The following DIABLO variants were observed in gnomAD, a reference collection of about 807,000 sequenced individuals.
DIABLO encodes diablo homolog, mitochondrial.
DIABLO carries 32 observed loss-of-function variants against 31.7 expected under a neutral mutation model. The ratio of observed to expected loss-of-function variants is 1.01; its 90% CI spans 0.76 to 1.35. The LOEUF (loss-of-function observed/expected upper bound fraction) is 1.35, where lower values mean the gene tolerates loss of function less well. DIABLO is among the 40% of genes most tolerant of loss of function. The probability of loss-of-function intolerance (pLI) is 0.00; values close to 1 mark genes in which losing one functional copy is unlikely to be tolerated. For synonymous variants in DIABLO, 132 were observed against 103.2 expected (o/e 1.28, Z -1.69); for missense variants, 316 against 286.4 (o/e 1.10, Z -0.75).
At chr12:122,225,333 G>A (rs1954433054) in intron 1 of DIABLO, 1 of 895,402 alleles carries the variant, frequency 1.1e-6, no homozygotes, top group Non-Finnish European at 1.3e-6. Flanking sequence ...GTTGCAGTGA[G>A]CTGAGATCTC....
intron 5 of DIABLO, among the ~76,000 whole-genome samples, chr12:122,214,935 C>T (rs1208847535): frequency 6.6e-6 from 1 of 152,108 alleles, no homozygotes; most frequent in South Asian, 2.1e-4. Flanking sequence ...AAGTGACCCA[C>T]CTCAAGTGAT....
chr12:122,225,906 C>T (rs563479646), intron 1 of DIABLO, 59 bp downstream of exon 1: 297 of 1,549,932 alleles, frequency 1.9e-4, no homozygotes, highest in Admixed American at 2.5e-4. Flanking sequence ...CGGGCCACAG[C>T]GCTGTCCGCG....
At chr12:122,216,709 C>A in intron 4 of DIABLO, 50 bp downstream of exon 4, 2 of 1,568,234 alleles carry the variant, frequency 1.3e-6, no homozygotes, top group South Asian at 1.1e-5. Context: ...ATTTAGATAC[C>A]ACATGAGGTA....
intron 2 of DIABLO, among the ~76,000 whole-genome samples, chr12:122,224,123 A>G (rs1405097769): frequency 2.6e-5 from 4 of 152,088 alleles, no homozygotes; most frequent in African/African-American, 7.2e-5. Context: ...TCACCAGCTG[A>G]TATTTTATAT....
At chr12:122,225,248 C>G (rs1047107537) in intron 1 of DIABLO, 3 of 253,974 alleles carry the variant, frequency 1.2e-5, no homozygotes, top group African/African-American at 5.0e-5. Flanking sequence ...ATTAGCCGGG[C>G]GTGGTGGCGG....
rs1203041556 is a variant in DIABLO, at chr12:122,216,561, G to A, written c.450C>T (p.Tyr150=). 6.2e-7 allele frequency: 1 copy of A among 1,614,164 alleles called. No individual in the cohort carries two copies. Among genetic ancestry groups the A allele is most frequent in the Non-Finnish European group, 8.5e-7 (1 of 1,180,020 alleles). Residue 150 remains tyrosine, a synonymous_variant, in exon 5 of 6, where the codon TAC becomes TAT. Transcript: ENST00000464942. ...RAEMTSKHQE[Y]LKLETTWMTA... Reference sequence around the variant, plus strand: ...TCATCCAAGTGGTTTCCAGCTTCAAGTACTCTTGGTGTTTTGAAGTCATCT... The same window carrying A: ...TCATCCAAGTGGTTTCCAGCTTCAAATACTCTTGGTGTTTTGAAGTCATCT...
At chr12:122,223,686 T>C (rs888698528) in intron 2 of DIABLO, among the ~76,000 whole-genome samples, 4 of 152,334 alleles carry the variant, frequency 2.6e-5, no homozygotes, top group Middle Eastern at 6.8e-3. Context: ...CCGCACCAGA[T>C]AGTATAATGG....
Position 122,224,559 on chromosome 12 carries a change from C to T in DIABLO, c.136G>A (p.Val46Met), listed in dbSNP as rs1250307913. ...SELIRPWHKT[V>M]TIGFGVTLCA... ...AGGGTTACTCCAAAGCCAATCGTCA[C>T]AGTTTTGTGCCATGGTCTTATCAAT... Residue 46 changes from valine (V) to methionine (M), a missense_variant, in exon 2 of 6, where the codon GTG (valine) becomes ATG (methionine). Coordinates refer to ENST00000464942, the MANE Select transcript of DIABLO (RefSeq NM_001371333.1). The T allele has an allele frequency of 2.5e-6, 4 of 1,613,974 alleles. No homozygotes were observed. The East Asian group carries it at 8.9e-5, about 36-fold the overall frequency.
intron 2 of DIABLO, among the ~76,000 whole-genome samples, chr12:122,220,088 C>T (rs1029535971): frequency 2.6e-4 from 40 of 151,470 alleles, no homozygotes; most frequent in African/African-American, 9.2e-4. Context: ...GGATTTCAGG[C>T]ACCTGCCACC....
Position 122,217,452 on chromosome 12 carries a change from T to C in DIABLO, c.316-583A>G, listed in dbSNP as rs1352467877. 4 of 159,390 alleles carry C rather than the reference T, an allele frequency of 2.5e-5. No individual in the cohort carries two copies. The East Asian group carries it at 7.4e-4, about 30-fold the overall frequency. 9.9% of individuals were successfully genotyped at this position (159,390 alleles called of 1,614,324 possible). On this transcript the variant is annotated intron_variant, in intron 3 of 5. Coordinates refer to ENST00000464942, the MANE Select transcript of DIABLO (RefSeq NM_001371333.1). ...ATCGCTTGAACCCAGGAGGCGGAGA[T>C]TGCAGCGAGCTGACATCACTCCACT...
intron 5 of DIABLO, among the ~76,000 whole-genome samples, chr12:122,214,381 C>T (rs571703583): frequency 6.6e-6 from 1 of 152,154 alleles, no homozygotes; most frequent in South Asian, 2.1e-4. Context: ...GATTGAGAAC[C>T]CTAGCCTGCT....
At chr12:122,226,267 T>C (rs545335337), upstream of DIABLO, 3 of 693,204 alleles carry the variant, frequency 4.3e-6, no homozygotes, top group East Asian at 2.7e-5. Context: ...GGCGCGGAGG[T>C]GGGTCCGGCG....
At chr12:122,209,945 C>A in intron 5 of DIABLO, 1 of 622,956 alleles carries the variant, frequency 1.6e-6, no homozygotes, top group South Asian at 1.9e-5. Flanking sequence ...AGATTCGAAT[C>A]ATAAATGGCT....
At chr12:122,226,082 A>G (rs1350067339), upstream of DIABLO, 2 of 1,554,876 alleles carry the variant, frequency 1.3e-6, no homozygotes, top group Admixed American at 3.8e-5. Context: ...GGAGCGGGGC[A>G]CGGCCTCCAC....
At chr12:122,214,136 AATT>A (rs1485491142) in intron 5 of DIABLO, among the ~76,000 whole-genome samples, 1 of 152,148 alleles carries the variant, frequency 6.6e-6, no homozygotes, top group African/African-American at 2.4e-5. Context: ...CTTCTAAAAG[AATT>A]ATTTTTTGTT....
intron 5 of DIABLO, among the ~76,000 whole-genome samples, chr12:122,210,543 A>ATT (rs559487961): frequency 6.6e-6 from 1 of 150,676 alleles, no homozygotes; most frequent in Non-Finnish European, 1.5e-5. Flanking sequence ...TAATTTATTT[A>ATT]TTTATTTTTT....
chr12:122,211,077 T>TGAAA (rs1954076708), intron 5 of DIABLO, among the ~76,000 whole-genome samples: 1 of 14,340 alleles, frequency 7.0e-5, no homozygotes, highest in Admixed American at 1.2e-3. Context: ...TAGTTAAAAG[T>TGAAA]AAAAAAAAAA....
In DIABLO at chr12:122,226,000, C is replaced by G; in HGVS notation, c.15G>C (p.Lys5Asn). Reference sequence around the variant, plus strand: ...AAGTTACGCTGCGCGACAGCCAACTCTTCAGAGCCGCCATTGTGCAGCGCG... The same window carrying G: ...AAGTTACGCTGCGCGACAGCCAACTGTTCAGAGCCGCCATTGTGCAGCGCG... MAAL[K>N]SWLSRSVTSF... is the part of the protein sequence containing the mutation. Residue 5 changes from lysine to asparagine, a missense_variant, in exon 1 of 6, where the codon AAG becomes AAC. Coordinates refer to ENST00000464942, the MANE Select transcript of DIABLO (RefSeq NM_001371333.1). The G allele has an allele frequency of 6.2e-7, 1 of 1,603,538 alleles. No homozygotes were observed. The highest frequency in any genetic ancestry group is 8.5e-7 in the Non-Finnish European group (1 of 1,175,958).
At chr12:122,216,725 ACT>A (rs763205423) in intron 4 of DIABLO, 32 bp downstream of exon 4, 18 of 1,590,880 alleles carry the variant, frequency 1.1e-5, no homozygotes, top group Non-Finnish European at 1.6e-5. Flanking sequence ...AGGTAGGTGC[ACT>A]AACACAGAAA....
Sources: gnomAD v4.1 joint callset for allele counts (sites outside exome capture counted in the v4.1 genomes callset) on GRCh38, gnomAD v4.1.1 for gene constraint, MANE v1.5 for transcripts, NCBI Gene and HGNC (gene_info 2026-07-23, HGNC 2026-07-21) for gene names.